The following PACS2 variants were observed in gnomAD, a reference collection of about 807,000 sequenced individuals.
PACS2 encodes phosphofurin acidic cluster sorting protein 2.
PACS2 carries 36 observed loss-of-function variants against 113.0 expected under a neutral mutation model. The ratio of observed to expected loss-of-function variants is 0.32; its 90% confidence interval spans 0.24 to 0.42. The LOEUF is 0.42. Ranked by LOEUF, PACS2 falls within the 10% of genes least tolerant of loss-of-function variation. The pLI is 1.00. For missense variants in PACS2, 1,015 were observed against 1,239.5 expected (o/e 0.82, Z 2.72); for synonymous variants, 589 against 536.1 (o/e 1.10, Z -1.36).
rs113998942 is a variant in PACS2, at chr14:105,357,104, G to T, written c.423+1927G>T. Among the ~76,000 whole-genome samples, 3,787 of 152,212 alleles carry T rather than the reference G, an allele frequency of 0.025. 179 individuals carry two copies. The highest frequency in any genetic ancestry group is 0.085 in the African/African-American group (3,537 of 41,508). On this transcript the variant is annotated intron_variant, in intron 4 of 24. Coordinates refer to ENST00000447393, the MANE Select transcript of PACS2 (RefSeq NM_001100913.3). The surrounding 1 kb of genome is among the most constrained non-coding windows in gnomAD (Gnocchi z 5.1). Reference sequence around the variant, plus strand: ...CCCACATCTCTCAGTCTGCACCCCAGTGCCCCAGGCGGCTCCTCCCAGCCC... The same window carrying T: ...CCCACATCTCTCAGTCTGCACCCCATTGCCCCAGGCGGCTCCTCCCAGCCC...
chr14:105,305,757 C>T lies in PACS2; in HGVS notation c.-83+4778C>T, dbSNP rs2058169072. Among the ~76,000 whole-genome samples, 5 of 152,362 alleles carry T rather than the reference C, an allele frequency of 3.3e-5. No individual in the cohort carries two copies. The South Asian group carries it at 1.0e-3, about 32-fold the overall frequency. ...CCAGGAAGCTTGGAAACATTTAGGA[C>T]TGACTGACAAGCTCAAAGAGTCAAG... On this transcript the variant is annotated intron_variant, in intron 1 of 23. Transcript: ENST00000430725.
intron 1 of PACS2, among the ~76,000 whole-genome samples, chr14:105,319,611 G>C (rs1595559172): frequency 6.6e-6 from 1 of 152,234 alleles, no homozygotes; most frequent in East Asian, 1.9e-4. Flanking sequence ...CAAAATGTAT[G>C]TTTTGTCTTT....
Position 105,394,552 on chromosome 14 carries a change from A to T in PACS2, c.2597-2A>T, listed in dbSNP as rs113164567. On this transcript the variant is annotated splice_acceptor_variant, in intron 24 of 24. Transcript: ENST00000447393. LOFTEE classifies it high-confidence loss of function. ...AGGCGGTCAGGCAGCCCTCTCCCAC[A>T]GTCCTCATCGACGGCGTGGAGTGCA... 1 of 1,612,416 alleles carries T rather than the reference A, an allele frequency of 6.2e-7. No homozygotes were observed. Among genetic ancestry groups the T allele is most frequent in the Non-Finnish European group, 8.5e-7 (1 of 1,179,610 alleles).
chr14:105,314,966 C>G lies in PACS2; in HGVS notation c.48C>G (p.Leu16=). 8.2e-7 allele frequency: 1 copy of G among 1,220,060 alleles called. No homozygotes were observed. The highest frequency in any genetic ancestry group is 1.0e-6 in the Non-Finnish European group (1 of 957,590). The allele number at this position is 1,220,060 out of a possible 1,614,324, so 75.6% of individuals were successfully genotyped here. A position where few individuals can be genotyped will look rare whatever the true frequency, so the allele number is the denominator to read the frequency against. ...RLGLPGAPGA[L]NTPVPMNLFA... is the part of the protein sequence containing the mutation. The stretch of plus-strand genomic sequence containing the variant: ...GCCTCCCCGGCGCGCCCGGCGCGCT[C>G]AACACGCCCGTGCCCATGAACCTGT... The change falls in exon 1 of 25, where the codon CTC becomes CTG. Residue 16 remains leucine (L), a synonymous_variant. Transcript: ENST00000447393.
In PACS2 at chr14:105,340,543, C is replaced by A. The variant is rs781858655; in HGVS notation, c.120-7950C>A. Among the ~76,000 whole-genome samples, 42 of 152,322 alleles carry A rather than the reference C, an allele frequency of 2.8e-4. No homozygotes were observed. Among genetic ancestry groups the A allele is most frequent in the African/African-American group, 9.9e-4 (41 of 41,570 alleles). Reference sequence around the variant, plus strand: ...AGCAGCGTGCAGCCTGGATCCCTCGCGTGCACAGTTACAATAGGGTTCTTC... The same window carrying A: ...AGCAGCGTGCAGCCTGGATCCCTCGAGTGCACAGTTACAATAGGGTTCTTC... On this transcript the variant is annotated intron_variant, in intron 1 of 24. Coordinates refer to ENST00000447393, the MANE Select transcript of PACS2 (RefSeq NM_001100913.3). The surrounding 1 kb of genome is among the most constrained non-coding windows in gnomAD (Gnocchi z 4.2).
rs1595585585 is a variant in PACS2, at chr14:105,329,198, G to C, written c.119+14161G>C. Among the ~76,000 whole-genome samples the C allele has an allele frequency of 6.6e-6, 1 of 152,220 alleles. No individual in the cohort carries two copies. Among genetic ancestry groups the C allele is most frequent in the East Asian group, 1.9e-4 (1 of 5,198 alleles). On this transcript the variant is annotated intron_variant, in intron 1 of 24. Coordinates refer to ENST00000447393, the MANE Select transcript of PACS2 (RefSeq NM_001100913.3). This position sits in a 1 kb window ranked among gnomAD's most constrained non-coding sequence, Gnocchi z 6.4. The stretch of plus-strand genomic sequence containing the variant: ...GGAGGCAGCTGTGGAGCGAGGGTGT[G>C]TACGGGAGCAGGATGGGCTGCACAG...
intron 1 of PACS2, among the ~76,000 whole-genome samples, chr14:105,303,866 C>T (rs1203227910): frequency 6.6e-6 from 1 of 152,238 alleles, no homozygotes; most frequent in Non-Finnish European, 1.5e-5. Context: ...AGCTTGCAGA[C>T]ACTGTTGTCT....
chr14:105,342,386 G>A (rs1250225330), intron 1 of PACS2, among the ~76,000 whole-genome samples: 1 of 151,992 alleles, frequency 6.6e-6, no homozygotes, highest in African/African-American at 2.4e-5. Context: ...TCCCACCTCA[G>A]CCTCCCAAGT....
At chr14:105,362,998 C>G (rs1197446829) in intron 4 of PACS2, among the ~76,000 whole-genome samples, 1 of 152,146 alleles carries the variant, frequency 6.6e-6, no homozygotes, top group Non-Finnish European at 1.5e-5. Flanking sequence ...AATGAGCAGT[C>G]ATATTTTGAA....
intron 7 of PACS2, 106 bp from the exon 8 acceptor site, chr14:105,369,735 G>T: frequency 2.2e-6 from 2 of 930,160 alleles, no homozygotes; most frequent in Non-Finnish European, 3.3e-6. Flanking sequence ...AGGCCTTGCT[G>T]CTCTCCCACG....
intron 4 of PACS2, among the ~76,000 whole-genome samples, chr14:105,360,104 A>G (rs781922556): frequency 2.6e-5 from 4 of 152,238 alleles, no homozygotes; most frequent in Non-Finnish European, 5.9e-5. Flanking sequence ...GGCCACCCCA[A>G]TAAAAACGGA....
rs12885832 is a variant in PACS2, at chr14:105,349,838, T to A, written c.207+1258T>A. Reference sequence around the variant, plus strand: ...GCAGGACCCCAAGAACTTCCAGGAGTGCGTGGCTAATGCAGGACCCGGAGA... The same window carrying A: ...GCAGGACCCCAAGAACTTCCAGGAGAGCGTGGCTAATGCAGGACCCGGAGA... On this transcript the variant is annotated intron_variant, in intron 2 of 24. Coordinates refer to ENST00000447393, the MANE Select transcript of PACS2 (RefSeq NM_001100913.3). 6.9e-3 allele frequency among the ~76,000 whole-genome samples: 815 copies of A among 118,594 alleles called. 12 individuals are homozygous for A. The highest frequency in any genetic ancestry group is 0.033 in the African/African-American group (781 of 23,536). The allele number at this position is 118,594 out of a possible 152,430, so 77.8% of individuals were successfully genotyped here. A position where few individuals can be genotyped will look rare whatever the true frequency, so the allele number is the denominator to read the frequency against.
At chr14:105,380,235 C>T (rs1555411602) in intron 11 of PACS2, 81 bp downstream of exon 11, 7 of 1,220,680 alleles carry the variant, frequency 5.7e-6, no homozygotes, top group East Asian at 5.1e-5. Context: ...CCTGGAGGGG[C>T]GGGGCCCACA....
chr14:105,394,563 A>G lies in PACS2; in HGVS notation c.2606A>G (p.Asp869Gly), dbSNP rs2081481309. 6.2e-7 allele frequency: 1 copy of G among 1,612,806 alleles called. No homozygotes were observed. Among genetic ancestry groups the G allele is most frequent in the Non-Finnish European group, 8.5e-7 (1 of 1,179,824 alleles). Reference sequence around the variant, plus strand: ...CAGCCCTCTCCCACAGTCCTCATCGACGGCGTGGAGTGCAGCGACGTCAAG... The same window carrying G: ...CAGCCCTCTCCCACAGTCCTCATCGGCGGCGTGGAGTGCAGCGACGTCAAG... ...QQQNMLRVLI[D>G]GVECSDVKFF... The change falls in exon 25 of 25, where the codon GAC (aspartate) becomes GGC (glycine). Residue 869 changes from aspartate to glycine, a missense_variant. This residue lies in a region of PACS2 where 859 missense variants were observed against 1,056.8 expected (regional missense o/e 0.81). Transcript: ENST00000447393.
At chr14:105,339,926 G>C (rs1209446272) in intron 1 of PACS2, among the ~76,000 whole-genome samples, 1 of 151,512 alleles carries the variant, frequency 6.6e-6, no homozygotes, top group Non-Finnish European at 1.5e-5. Context: ...TTACAGGCAT[G>C]AGCCACCACA....
At chr14:105,308,054 C>T (rs1449116086) in intron 1 of PACS2, among the ~76,000 whole-genome samples, 2 of 151,724 alleles carry the variant, frequency 1.3e-5, no homozygotes, top group Admixed American at 6.6e-5. Context: ...CGTGGTGGTG[C>T]GTGCCTCTAG....
At chr14:105,327,309 G>T (rs587739677) in intron 1 of PACS2, among the ~76,000 whole-genome samples, 84 of 152,322 alleles carry the variant, frequency 5.5e-4, no homozygotes, top group Non-Finnish European at 9.6e-4. Context: ...GAGGGGATGT[G>T]CGCGGCCAGG....
Position 105,340,591 on chromosome 14 carries a change from A to G in PACS2, c.120-7902A>G, listed in dbSNP as rs1367375822. 6.6e-6 allele frequency among the ~76,000 whole-genome samples: 1 copy of G among 151,934 alleles called. No individual in the cohort carries two copies. Among genetic ancestry groups the G allele is most frequent in the East Asian group, 1.9e-4 (1 of 5,190 alleles). On this transcript the variant is annotated intron_variant, in intron 1 of 24. Coordinates refer to ENST00000447393, the MANE Select transcript of PACS2 (RefSeq NM_001100913.3). This position sits in a 1 kb window ranked among gnomAD's most constrained non-coding sequence, Gnocchi z 4.2. ...TTCCGGAGCTCAGGTGGGAATGCTC[A>G]CTCCCTGGTGCTCATCTCCTGCTGT...
At chr14:105,316,310 G>T (rs1176272131) in intron 1 of PACS2, among the ~76,000 whole-genome samples, 1 of 152,218 alleles carries the variant, frequency 6.6e-6, no homozygotes, top group African/African-American at 2.4e-5. Context: ...CTCTCTTCTG[G>T]GAAGTCTCTG....
Sources: allele counts gnomAD v4.1 joint callset (sites outside exome capture counted in the v4.1 genomes callset), GRCh38; gene constraint gnomAD v4.1.1; regional missense constraint gnomAD v4.1.1; non-coding constraint Gnocchi (gnomAD v3.1); transcripts MANE v1.5; gene names NCBI Gene and HGNC (gene_info 2026-07-23, HGNC 2026-07-21).